ADAM23: variants seen among roughly 807,000 people sequenced by gnomAD.
ADAM23 encodes disintegrin and metalloproteinase domain-containing protein 23.
Under a neutral mutation model 120.1 loss-of-function variants are expected in ADAM23, and 33 were observed. That is an observed-to-expected ratio of 0.27 (90% CI 0.21 to 0.37). The LOEUF (loss-of-function observed/expected upper bound fraction) is 0.37, where lower values mean the gene tolerates loss of function less well. Among genes scored for constraint, ADAM23 ranks in the 10% least tolerant of loss-of-function variants. ADAM23 has a pLI of 1.00. For missense variants in ADAM23, 862 were observed against 1,058.2 expected, an observed-to-expected ratio of 0.81 and a Z score of 2.57; for synonymous variants, 367 against 375.2, an observed-to-expected ratio of 0.98 and a Z score of 0.25.
intron 3 of ADAM23, among the ~76,000 whole-genome samples, chr2:206,523,546 G>C (rs887603989): frequency 1.3e-5 from 2 of 151,958 alleles, no homozygotes; most frequent in South Asian, 2.1e-4. Context: ...AATTCTTACT[G>C]TATTGTTTAC....
At chr2:206,586,368 G>C (rs1393952963) in intron 18 of ADAM23, among the ~76,000 whole-genome samples, 1 of 152,170 alleles carries the variant, frequency 6.6e-6, no homozygotes, top group Non-Finnish European at 1.5e-5. Flanking sequence ...TGGACAGGGT[G>C]TGAGCAGTGG....
chr2:206,562,317 C>A, intron 13 of ADAM23, 24 bp downstream of exon 13: 4 of 1,567,110 alleles, frequency 2.6e-6, no homozygotes, highest in South Asian at 1.1e-5. Flanking sequence ...CCTTCTTACT[C>A]ATTTTCATGT....
chr2:206,456,181 A>T (rs1695295651), intron 2 of ADAM23, among the ~76,000 whole-genome samples: 1 of 152,118 alleles, frequency 6.6e-6, no homozygotes, highest in Admixed American at 6.5e-5. Context: ...AGGTCTTAGG[A>T]AACTTATCAT....
At chr2:206,511,391 AT>A (rs1696619649) in intron 3 of ADAM23, among the ~76,000 whole-genome samples, 1 of 151,454 alleles carries the variant, frequency 6.6e-6, no homozygotes, top group South Asian at 2.1e-4. Flanking sequence ...TCTCATTATG[AT>A]TCTTCCATGC....
intron 13 of ADAM23, among the ~76,000 whole-genome samples, chr2:206,563,981 C>T (rs1278455695): frequency 2.0e-5 from 3 of 152,080 alleles, no homozygotes; most frequent in Non-Finnish European, 2.9e-5. Flanking sequence ...CTGCCCACCT[C>T]GGCCTCCCAT....
chr2:206,583,599 G>T (rs1444387764), intron 18 of ADAM23, among the ~76,000 whole-genome samples: 1 of 151,852 alleles, frequency 6.6e-6, no homozygotes, highest in Non-Finnish European at 1.5e-5. Context: ...GGGTTAATTC[G>T]AAGACTTTGT....
chr2:206,605,324 T>C (rs1244161364), intron 24 of ADAM23, among the ~76,000 whole-genome samples: 1 of 152,228 alleles, frequency 6.6e-6, no homozygotes, highest in Non-Finnish European at 1.5e-5. Flanking sequence ...AGCTATTCTG[T>C]CTTGAATTTG....
chr2:206,614,140 C>T (rs1181272986), intron 25 of ADAM23, among the ~76,000 whole-genome samples: 1 of 152,200 alleles, frequency 6.6e-6, no homozygotes, highest in Non-Finnish European at 1.5e-5. Flanking sequence ...GGCATAGCTA[C>T]TCCTTACATT....
At chr2:206,460,261 G>C (rs984897819) in intron 2 of ADAM23, among the ~76,000 whole-genome samples, 1 of 152,104 alleles carries the variant, frequency 6.6e-6, no homozygotes, top group African/African-American at 2.4e-5. Flanking sequence ...AAAGTTGGGC[G>C]CTTATAATTC....
intron 18 of ADAM23, among the ~76,000 whole-genome samples, chr2:206,578,116 G>A (rs1053468557): frequency 3.9e-5 from 6 of 152,154 alleles, no homozygotes; most frequent in Admixed American, 1.3e-4. Flanking sequence ...AGATCCTGAT[G>A]TGCTTTTTCT....
chr2:206,541,004 A>T (rs542093725), intron 4 of ADAM23, among the ~76,000 whole-genome samples: 1 of 149,728 alleles, frequency 6.7e-6, no homozygotes, highest in South Asian at 2.1e-4. Flanking sequence ...TATTTATTTT[A>T]AAAAGCTGCC....
At chr2:206,551,002 T>C (rs771150837) in intron 9 of ADAM23, among the ~76,000 whole-genome samples, 6 of 152,340 alleles carry the variant, frequency 3.9e-5, no homozygotes, top group Non-Finnish European at 7.3e-5. Flanking sequence ...TTAAAAGATA[T>C]ATGAAAAACA....
chr2:206,609,619 A>G (rs957401162), intron 24 of ADAM23: 2 of 331,482 alleles, frequency 6.0e-6, no homozygotes, highest in East Asian at 1.8e-4. Flanking sequence ...GAGAAGAAGG[A>G]TGTGTAAAGA....
chr2:206,514,825 C>T (rs1208235157), intron 3 of ADAM23, among the ~76,000 whole-genome samples: 1 of 152,166 alleles, frequency 6.6e-6, no homozygotes, highest in Non-Finnish European at 1.5e-5. Flanking sequence ...CAAGACAAGA[C>T]CCTCTACCAG....
Position 206,540,471 on chromosome 2 carries a change from A to G in ADAM23, c.574-1581A>G, listed in dbSNP as rs117350353. ...AACCAATCCCTGACTTTATAAATAT[A>G]TATTTATCTCTGTTTTCTCCCGATA... is the stretch of plus-strand genomic sequence containing the variant. On this transcript the variant is annotated intron_variant, in intron 4 of 25. Transcript: ENST00000264377. Among the ~76,000 whole-genome samples the G allele has an allele frequency of 2.4e-3, 372 of 152,234 alleles. 3 individuals carry two copies. Among genetic ancestry groups the G allele is most frequent in the East Asian group, 0.015 (76 of 5,178 alleles).
At chr2:206,459,765 A>G (rs1387477389) in intron 2 of ADAM23, among the ~76,000 whole-genome samples, 2 of 152,168 alleles carry the variant, frequency 1.3e-5, no homozygotes, top group African/African-American at 4.8e-5. Context: ...AATCCTTCCC[A>G]TCTGGTTAAA....
intron 2 of ADAM23, among the ~76,000 whole-genome samples, chr2:206,480,801 G>A (rs1377697735): frequency 6.6e-6 from 1 of 152,148 alleles, no homozygotes; most frequent in East Asian, 1.9e-4. Context: ...TTTAGAGAAC[G>A]TTCCAAGAAA....
At chr2:206,541,916 A>G (rs1697297017) in intron 4 of ADAM23, 136 bp from the exon 5 acceptor site, 2 of 818,956 alleles carry the variant, frequency 2.4e-6, no homozygotes, top group East Asian at 2.5e-5. Context: ...GCAACTTTAT[A>G]TAGGAGGAGT....
intron 18 of ADAM23, among the ~76,000 whole-genome samples, chr2:206,582,013 G>C (rs950685756): frequency 5.3e-5 from 8 of 152,168 alleles, no homozygotes; most frequent in African/African-American, 1.9e-4. Flanking sequence ...AAGTAGCTGG[G>C]ATTACAGGCA....
Sources: gnomAD v4.1 joint callset for allele counts (sites outside exome capture counted in the v4.1 genomes callset) on GRCh38, gnomAD v4.1.1 for gene constraint, MANE v1.5 for transcripts, NCBI Gene and HGNC (gene_info 2026-07-23, HGNC 2026-07-21) for gene names.